SH2D3A: variants seen among roughly 807,000 people sequenced by gnomAD.
SH2D3A encodes the protein SH2 domain containing 3A, also known as SH2 domain-containing protein 3A.
In SH2D3A, 46 loss-of-function variants were observed where a neutral mutation model predicts 50.6. The ratio of observed to expected loss-of-function variants is 0.91; its 90% CI spans 0.72 to 1.16. The LOEUF is 1.16. Among genes scored for constraint, SH2D3A ranks in the 50% most tolerant of loss-of-function variants. SH2D3A has a pLI of 0.00. For synonymous variants in SH2D3A, 377 were observed against 348.4 expected, an observed-to-expected ratio of 1.08 and a Z score of -0.91; for missense variants, 783 against 786.2, an observed-to-expected ratio of 1.00 and a Z score of 0.05.
intron 3 of SH2D3A, 129 bp from the exon 4 acceptor site, chr19:6,759,799 G>T: frequency 1.2e-6 from 1 of 833,224 alleles, no homozygotes; most frequent in East Asian, 2.6e-5. Flanking sequence ...CCTACGTCCA[G>T]GGGACTCTTA....
chr19:6,756,534 C>A (rs999091296), intron 4 of SH2D3A, among the ~76,000 whole-genome samples: 4 of 151,934 alleles, frequency 2.6e-5, no homozygotes, highest in Admixed American at 6.6e-5. Context: ...CACCTACTGA[C>A]CCCTCCTCTA....
Position 6,760,944 on chromosome 19 carries a change from C to T in SH2D3A, c.113G>A (p.Arg38His), listed in dbSNP as rs749455704. The T allele has an allele frequency of 7.6e-5, 123 of 1,613,288 alleles. No homozygotes were observed. The highest frequency in any genetic ancestry group is 2.5e-4 in the Admixed American group (15 of 59,818). ...LLQQNGDFLV[R>H]ASGSRGGNPV... ...GTTGCCCCCACGGGACCCAGAGGCG[C>T]GAACCAGGAAGTCGCCATTTTGCTG... The change falls in exon 3 of 10, where the codon CGC becomes CAC. Residue 38 changes from arginine (R) to histidine (H), a missense_variant. Physicochemically the swap from Arg to His is conservative, Grantham distance 29 (BLOSUM62 0). Transcript: ENST00000245908.
intron 2 of SH2D3A, chr19:6,761,227 A>C: frequency 1.9e-6 from 1 of 517,148 alleles, no homozygotes; most frequent in Non-Finnish European, 3.4e-6. Context: ...GAACTGGCCA[A>C]TGGGATGTGG....
chr19:6,753,446 G>A lies in SH2D3A; in HGVS notation c.1570+10C>T, dbSNP rs1969443743. 2 of 1,493,752 alleles carry A rather than the reference G, an allele frequency of 1.3e-6. No homozygotes were observed. Among genetic ancestry groups the A allele is most frequent in the Admixed American group, 2.2e-5 (1 of 45,236 alleles). The allele number at this position is 1,493,752 out of a possible 1,614,324, so 92.5% of individuals were successfully genotyped here. A position where few individuals can be genotyped will look rare whatever the true frequency, so the allele number is the denominator to read the frequency against. ...TGAAGTCTGCAGTCCAGCGCAGAGG[G>A]AACGCTCACCTCGCAGGCGCTGGGC... On this transcript the variant is annotated intron_variant, in intron 9 of 9. Transcript: ENST00000245908.
chr19:6,764,971 G>A (rs917316471), intron 1 of SH2D3A, among the ~76,000 whole-genome samples: 4 of 148,414 alleles, frequency 2.7e-5, no homozygotes, highest in African/African-American at 1.0e-4. Context: ...TCCGCCTGCT[G>A]GTTTCAAGCA....
intron 3 of SH2D3A, 57 bp downstream of exon 3, chr19:6,760,581 G>A (rs1306488651): frequency 8.6e-6 from 12 of 1,396,014 alleles, no homozygotes; most frequent in African/African-American, 2.9e-5. Context: ...CAACCATTGA[G>A]TTGGAAAACC....
At position 6,754,145 on chromosome 19, in the gene SH2D3A, T is replaced by C. The variant is rs760393209; in HGVS notation, c.1291A>G (p.Thr431Ala). The change falls in exon 8 of 10, where the codon ACG becomes GCG. Residue 431 changes from threonine (T) to alanine (A), a missense_variant. Thr to Ala is a moderately conservative substitution (Grantham distance 58). Coordinates refer to ENST00000245908, the MANE Select transcript of SH2D3A (RefSeq NM_005490.3). The stretch of plus-strand genomic sequence containing the variant: ...TGGCTCCTTCGGAGCTGGCGCCACG[T>C]GTGCTCCAACCGGGACACCTGGGAG... ...LMPQVSRLEHTWRQLRRSHTE... is the reference protein window; with the variant it reads ...LMPQVSRLEHAWRQLRRSHTE... 8 of 1,613,344 alleles carry C rather than the reference T, an allele frequency of 5.0e-6. No homozygotes were observed. Among genetic ancestry groups the C allele is most frequent in the Non-Finnish European group, 5.9e-6 (7 of 1,179,760 alleles).
Position 6,752,629 on chromosome 19 carries a change from G to T in SH2D3A, c.1695C>A (p.Leu565=), listed in dbSNP as rs149467413. 6.4e-6 allele frequency: 10 copies of T among 1,559,110 alleles called. No homozygotes were observed. The South Asian group carries it at 1.1e-4, about 17-fold the overall frequency. The change falls in exon 10 of 10, where the codon CTC becomes CTA. Residue 565 remains leucine, a synonymous_variant. Transcript: ENST00000245908. Reference sequence around the variant, plus strand: ...GCTCCAGGCGCTGCGACAGGACGCCGAGGACGCGCTGGAACTTCTCAAAGC... The same window carrying T: ...GCTCCAGGCGCTGCGACAGGACGCCTAGGACGCGCTGGAACTTCTCAAAGC... ...AERFEKFQRV[L]GVLSQRLEPD... is the part of the protein sequence containing the mutation.
intron 2 of SH2D3A, chr19:6,761,302 T>G: frequency 3.6e-6 from 1 of 277,514 alleles, no homozygotes; most frequent in Non-Finnish European, 6.8e-6. Context: ...ATCTTATAGG[T>G]TGTGTCCCCT....
intron 4 of SH2D3A, among the ~76,000 whole-genome samples, chr19:6,756,681 C>A (rs1002986475): frequency 6.6e-6 from 1 of 151,956 alleles, no homozygotes; most frequent in African/African-American, 2.4e-5. Context: ...TGAATAGGCT[C>A]TTTTCTAGGA....
chr19:6,764,772 C>G (rs991507219), intron 1 of SH2D3A, among the ~76,000 whole-genome samples: 1 of 151,730 alleles, frequency 6.6e-6, no homozygotes. Context: ...GTGGTGCAAT[C>G]ACAGCTCATT....
Position 6,754,425 on chromosome 19 carries a change from C to T in SH2D3A, c.1098G>A (p.Arg366=). 1 of 1,523,928 alleles carries T rather than the reference C, an allele frequency of 6.6e-7. No individual in the cohort carries two copies. Among genetic ancestry groups the T allele is most frequent in the African/African-American group, 1.4e-5 (1 of 72,818 alleles). The allele number at this position is 1,523,928 out of a possible 1,614,324, so 94.4% of individuals were successfully genotyped here. A position where few individuals can be genotyped will look rare whatever the true frequency, so the allele number is the denominator to read the frequency against. Reference sequence around the variant, plus strand: ...CCCCGGCCAGCGCCAGTGTCTGATGCCTGCAGAGGTGGAGGGCAAGGGTCT... The same window carrying T: ...CCCCGGCCAGCGCCAGTGTCTGATGTCTGCAGAGGTGGAGGGCAAGGGTCT... The part of the protein sequence containing the change: ...GHHLRLELLE[R]HQTLALAGAL... Residue 366 remains arginine (R), a splice_region_variant and synonymous_variant, in exon 7 of 10, where the codon AGG becomes AGA. Coordinates refer to ENST00000245908, the MANE Select transcript of SH2D3A (RefSeq NM_005490.3).
At chr19:6,763,536 A>T in intron 2 of SH2D3A, 144 bp downstream of exon 2, 1 of 570,110 alleles carries the variant, frequency 1.8e-6, no homozygotes, top group Non-Finnish European at 3.0e-6. Flanking sequence ...CCAGCCAGCC[A>T]ACCTTCAAGA....
chr19:6,757,244 G>T (rs377151440), intron 4 of SH2D3A: 2 of 146,738 alleles, frequency 1.4e-5, no homozygotes, highest in African/African-American at 5.2e-5. Flanking sequence ...CATTCTGCAC[G>T]TGTATCTTTT....
In SH2D3A at chr19:6,760,963, T is replaced by C. The variant is rs7258236; in HGVS notation, c.94A>G (p.Asn32Asp). The C allele has an allele frequency of 0.23, 366,909 of 1,611,446 alleles. 44,770 individuals are homozygous for C. The highest frequency in any genetic ancestry group is 0.43 in the African/African-American group (31,868 of 74,934). ...RQKAEALLQQ[N>D]GDFLVRASGS... The stretch of plus-strand genomic sequence containing the variant: ...GAGGCGCGAACCAGGAAGTCGCCAT[T>C]TTGCTGAAGAAGAGCTTCAGCCTTC... The change falls in exon 3 of 10, where the codon AAT becomes GAT. Residue 32 changes from asparagine (N) to aspartate (D), a missense_variant. Physicochemically the swap from Asn to Asp is conservative, Grantham distance 23. Coordinates refer to ENST00000245908, the MANE Select transcript of SH2D3A (RefSeq NM_005490.3).
At chr19:6,761,793 A>G (rs1456247463) in intron 2 of SH2D3A, among the ~76,000 whole-genome samples, 2 of 151,954 alleles carry the variant, frequency 1.3e-5, no homozygotes, top group East Asian at 3.9e-4. Flanking sequence ...ACCAAAAAAT[A>G]TAAAAATTAG....
chr19:6,761,009 C>T (rs562186406), intron 2 of SH2D3A, 22 bp from the exon 3 acceptor site: 1 of 1,576,282 alleles, frequency 6.3e-7, no homozygotes, highest in East Asian at 2.2e-5. Context: ...GTTCAGGGGG[C>T]AGGGGAATTA....
At position 6,763,788 on chromosome 19, in the gene SH2D3A, C is replaced by T. The variant is rs186959454; in HGVS notation, c.-40G>A. On this transcript the variant is annotated 5_prime_UTR_variant, in exon 2 of 10. Transcript: ENST00000245908. Reference sequence around the variant, plus strand: ...CAGAGGGTGCCAGGGCTGAGCTCTGCACTTTCAACAGGCCTCAGTCTTCCA... The same window carrying T: ...CAGAGGGTGCCAGGGCTGAGCTCTGTACTTTCAACAGGCCTCAGTCTTCCA... 4.9e-5 allele frequency: 76 copies of T among 1,554,404 alleles called. 1 individual carries two copies. The highest frequency in any genetic ancestry group is 3.3e-4 in the Admixed American group (19 of 58,098).
chr19:6,756,297 C>G (rs1206256440), intron 4 of SH2D3A, among the ~76,000 whole-genome samples: 1 of 150,120 alleles, frequency 6.7e-6, no homozygotes, highest in Non-Finnish European at 1.5e-5. Context: ...TATATCTCTC[C>G]ATAGACATAT....
Sources: allele counts gnomAD v4.1 joint callset (sites outside exome capture counted in the v4.1 genomes callset), GRCh38; gene constraint gnomAD v4.1.1; transcripts MANE v1.5; gene names NCBI Gene and HGNC (gene_info 2026-07-23, HGNC 2026-07-21).